Variants in AMY2B observed in about 807,000 individuals in gnomAD.
The protein encoded by AMY2B is alpha-amylase 2B.
Under a neutral mutation model 59.3 loss-of-function variants are expected in AMY2B, and 63 were observed. That is an observed-to-expected ratio of 1.06 (90% CI 0.87 to 1.31). The LOEUF (loss-of-function observed/expected upper bound fraction) is 1.31, where lower values mean the gene tolerates loss of function less well. AMY2B is among the 50% of genes most tolerant of loss of function. The pLI, the probability that AMY2B is intolerant of heterozygous loss-of-function variation, is 0.00. For missense variants in AMY2B, 635 were observed against 626.7 expected (o/e 1.01, Z -0.14); for synonymous variants, 180 against 198.1 (o/e 0.91, Z 0.77).
At chr1:103,575,056 GTATGTA>G (rs1433048851) in intron 5 of AMY2B, among the ~76,000 whole-genome samples, 161 bp from the exon 6 acceptor site, 1 of 101,512 alleles carries the variant, frequency 9.9e-6, no homozygotes, top group African/African-American at 4.1e-5. Context: ...TTGTGTGTGT[GTATGTA>G]TATATATATA....
At chr1:103,562,607 A>T (rs1442859588) in intron 1 of AMY2B, among the ~76,000 whole-genome samples, 2 of 151,804 alleles carry the variant, frequency 1.3e-5, no homozygotes, top group Non-Finnish European at 2.9e-5. Context: ...CACTTAAATT[A>T]CTTCCAAAGA....
chr1:103,559,784 G>A (rs1157025995), intron 1 of AMY2B, among the ~76,000 whole-genome samples: 1 of 152,082 alleles, frequency 6.6e-6, no homozygotes, highest in Non-Finnish European at 1.5e-5. Context: ...AAAAATCAGA[G>A]CGATAATATT....
intron 8 of AMY2B, 21 bp downstream of exon 8, chr1:103,577,629 A>G (rs369166863): frequency 1.4e-5 from 23 of 1,611,906 alleles, no homozygotes; most frequent in Non-Finnish European, 1.9e-5. Context: ...GTATTTAGAC[A>G]TGTCCTCTAA....
At chr1:103,579,166 A>G in intron 9 of AMY2B, 145 bp from the exon 10 acceptor site, 3 of 1,508,144 alleles carry the variant, frequency 2.0e-6, no homozygotes, top group Non-Finnish European at 2.7e-6. Context: ...GCTATTTACA[A>G]CTACTAGGGA....
intron 1 of AMY2B, among the ~76,000 whole-genome samples, chr1:103,560,537 C>T (rs928943225): frequency 6.6e-6 from 1 of 151,618 alleles, no homozygotes; most frequent in African/African-American, 2.4e-5. Flanking sequence ...TTTTTTTTAC[C>T]CTATACCACA....
chr1:103,573,762 G>T lies in AMY2B; in HGVS notation c.568G>T (p.Val190Leu). ...LLDLALEKDY[V>L]RSKIAEYMNH... is the part of the protein sequence containing the mutation. ...TGATCTTGCACTGGAGAAAGATTAT[G>T]TGCGTTCCAAGATTGCCGAATATAT... Residue 190 changes from valine (V) to leucine (L), a missense_variant, in exon 4 of 10, where the codon GTG (valine) becomes TTG (leucine). Val to Leu is a conservative substitution (Grantham distance 32). Transcript: ENST00000684275. The T allele has an allele frequency of 6.2e-7, 1 of 1,613,816 alleles. No homozygotes were observed. The highest frequency in any genetic ancestry group is 8.5e-7 in the Non-Finnish European group (1 of 1,179,756).
upstream of AMY2B, chr1:103,571,271 A>C: frequency 2.8e-6 from 2 of 719,298 alleles, no homozygotes; most frequent in Non-Finnish European, 2.0e-6. Context: ...TTTGTATGCA[A>C]TTCTCGATCT....
intron 1 of AMY2B, among the ~76,000 whole-genome samples, chr1:103,561,358 C>T (rs891752102): frequency 6.6e-6 from 1 of 152,080 alleles, no homozygotes; most frequent in Admixed American, 6.6e-5. Flanking sequence ...ACCTCCACCT[C>T]CTGGGTTCAA....
At chr1:103,577,192 T>C (rs7537183) in intron 7 of AMY2B, among the ~76,000 whole-genome samples, 102,417 of 152,006 alleles carry the variant, frequency 0.67, 35,599 homozygotes, top group African/African-American at 0.84. Flanking sequence ...GAGCTATGAT[T>C]ATGCCACTGT....
intron 2 of AMY2B, 103 bp downstream of exon 2, chr1:103,572,359 T>G: frequency 6.6e-7 from 1 of 1,515,460 alleles, no homozygotes; most frequent in Non-Finnish European, 8.8e-7. Flanking sequence ...ATTTTATTTT[T>G]TTAATTTTAC....
chr1:103,557,573 G>A (rs184179612), intron 1 of AMY2B, among the ~76,000 whole-genome samples: 54 of 151,906 alleles, frequency 3.6e-4, no homozygotes, highest in Admixed American at 3.4e-3. Context: ...AGAATCATTT[G>A]AACCCGAAGG....
At chr1:103,575,621 A>C in intron 7 of AMY2B, 81 bp downstream of exon 7, 1 of 1,564,572 alleles carries the variant, frequency 6.4e-7, no homozygotes. Context: ...GACAACTATT[A>C]ATTATATATT....
At chr1:103,563,556 T>C (rs934115942) in intron 1 of AMY2B, among the ~76,000 whole-genome samples, 4 of 152,116 alleles carry the variant, frequency 2.6e-5, no homozygotes, top group Non-Finnish European at 4.4e-5. Flanking sequence ...GCTCTTCAGA[T>C]TGCTTGTTTG....
chr1:103,579,167 C>T, intron 9 of AMY2B, 144 bp from the exon 10 acceptor site: 1 of 1,520,490 alleles, frequency 6.6e-7, no homozygotes, highest in Non-Finnish European at 8.8e-7. Flanking sequence ...CTATTTACAA[C>T]TACTAGGGAG....
At chr1:103,578,595 C>A (rs1434979703) in intron 9 of AMY2B, among the ~76,000 whole-genome samples, 1 of 152,104 alleles carries the variant, frequency 6.6e-6, no homozygotes, top group East Asian at 1.9e-4. Flanking sequence ...TAAATAAATA[C>A]ATAAATACAT....
intron 1 of AMY2B, among the ~76,000 whole-genome samples, chr1:103,564,802 T>C (rs1651853801): frequency 6.6e-6 from 1 of 152,166 alleles, no homozygotes; most frequent in Non-Finnish European, 1.5e-5. Flanking sequence ...CATATCTTTT[T>C]TTAATTGTTT....
intron 1 of AMY2B, among the ~76,000 whole-genome samples, chr1:103,564,767 A>G (rs1390305713): frequency 6.6e-6 from 1 of 151,894 alleles, no homozygotes; most frequent in East Asian, 1.9e-4. Flanking sequence ...TTTGTTGAAA[A>G]CTACCAATTC....
rs202103095 is a variant in AMY2B at position 103,573,799 on chromosome 1, T to A, written c.605T>A (p.Ile202Asn). The change falls in exon 4 of 10, where the codon ATT becomes AAT. Residue 202 changes from isoleucine (I) to asparagine (N), a missense_variant. Coordinates refer to ENST00000684275, the MANE Select transcript of AMY2B (RefSeq NM_001387437.1). ...ATTGCCGAATATATGAATCATCTCA[T>A]TGACATTGGTGTTGCAGGGTTCAGA... ...SKIAEYMNHL[I>N]DIGVAGFRLD... is the part of the protein sequence containing the mutation. The A allele has an allele frequency of 2.5e-6, 4 of 1,613,710 alleles. No individual in the cohort carries two copies. Among genetic ancestry groups the A allele is most frequent in the Non-Finnish European group, 3.4e-6 (4 of 1,179,788 alleles).
chr1:103,573,077 G>A lies in AMY2B; in HGVS notation c.330G>A (p.Val110=). 6.2e-7 allele frequency: 1 copy of A among 1,613,626 alleles called. No homozygotes were observed. The highest frequency in any genetic ancestry group is 8.5e-7 in the Non-Finnish European group (1 of 1,179,664). ...RCNNVGVRIY[V]DAVINHMSGN... ...TTGCTTTCTAGGTTCGTATTTATGT[G>A]GATGCTGTAATTAATCATATGTCTG... Residue 110 remains valine, a synonymous_variant, in exon 3 of 10, where the codon GTG becomes GTA. Coordinates refer to ENST00000684275, the MANE Select transcript of AMY2B (RefSeq NM_001387437.1).
Sources: gnomAD v4.1 joint callset for allele counts (sites outside exome capture counted in the v4.1 genomes callset) on GRCh38, gnomAD v4.1.1 for gene constraint, MANE v1.5 for transcripts, NCBI Gene and HGNC (gene_info 2026-07-23, HGNC 2026-07-21) for gene names.